Variants in MCTP2 observed in about 807,000 individuals in gnomAD.
MCTP2 encodes multiple C2 and transmembrane domain-containing protein 2.
A neutral mutation model predicts 111.6 loss-of-function variants in MCTP2; 132 were observed. The observed-to-expected ratio is 1.18, with a 90% CI of 1.03 to 1.37. The LOEUF (loss-of-function observed/expected upper bound fraction) is 1.37, where lower values mean the gene tolerates loss of function less well. Among genes scored for constraint, MCTP2 ranks in the 40% most tolerant of loss-of-function variants. MCTP2 has a pLI of 0.00. For synonymous variants in MCTP2, 395 were observed against 387.7 expected (o/e 1.02, Z -0.22); for missense variants, 1,183 against 1,067.9 (o/e 1.11, Z -1.50).
At chr15:94,302,260 G>A (rs2075651467) in intron 2 of MCTP2, among the ~76,000 whole-genome samples, 1 of 152,208 alleles carries the variant, frequency 6.6e-6, no homozygotes, top group Non-Finnish European at 1.5e-5. Context: ...TTGAGAATTA[G>A]TAAGACTCAG....
chr15:94,257,566 G>GTTTTTTT (rs1220635423), intron 1 of MCTP2, among the ~76,000 whole-genome samples: 7 of 73,004 alleles, frequency 9.6e-5, no homozygotes, highest in East Asian at 5.3e-4. Flanking sequence ...CATTTTCTTT[G>GTTTTTTT]TTGTTTTTTT....
intron 12 of MCTP2, among the ~76,000 whole-genome samples, chr15:94,371,709 G>A (rs1361133478): frequency 1.3e-5 from 2 of 151,838 alleles, no homozygotes; most frequent in East Asian, 1.9e-4. Flanking sequence ...TTTAACCCGC[G>A]ATGGAGTCCT....
At chr15:94,351,995 A>T (rs984737716) in intron 8 of MCTP2, among the ~76,000 whole-genome samples, 1 of 152,142 alleles carries the variant, frequency 6.6e-6, no homozygotes, top group Non-Finnish European at 1.5e-5. Context: ...ATCCTTCCTC[A>T]GTTTCCTCTG....
At chr15:94,332,651 G>A (rs2077181379) in intron 4 of MCTP2, among the ~76,000 whole-genome samples, 1 of 150,430 alleles carries the variant, frequency 6.6e-6, no homozygotes, top group Admixed American at 6.6e-5. Context: ...CCTTTCAGGA[G>A]CAAACAACTA....
intron 4 of MCTP2, among the ~76,000 whole-genome samples, chr15:94,322,578 G>T (rs1308504405): frequency 2.0e-5 from 3 of 152,076 alleles, no homozygotes; most frequent in Non-Finnish European, 2.9e-5. Context: ...TTAACTGATG[G>T]GCCAAAGTTT....
intron 17 of MCTP2, among the ~76,000 whole-genome samples, chr15:94,405,964 G>A (rs907720727): frequency 6.6e-6 from 1 of 152,134 alleles, no homozygotes; most frequent in African/African-American, 2.4e-5. Context: ...TGTTGACTTA[G>A]TGAATGAGGC....
intron 4 of MCTP2, 87 bp from the exon 5 acceptor site, chr15:94,339,203 G>A (rs1463196056): frequency 1.1e-6 from 1 of 940,538 alleles, no homozygotes; most frequent in African/African-American, 1.7e-5. Context: ...TTAGCCTGGG[G>A]AGTGGGGAAA....
At chr15:94,314,020 C>T (rs923762836) in intron 2 of MCTP2, among the ~76,000 whole-genome samples, 54 of 152,328 alleles carry the variant, frequency 3.5e-4, no homozygotes, top group Admixed American at 3.1e-3. Flanking sequence ...GCATGCTAAA[C>T]ATGTGGGTGA....
intron 4 of MCTP2, among the ~76,000 whole-genome samples, chr15:94,330,521 T>TC (rs568313164): frequency 1.1e-4 from 16 of 151,156 alleles, no homozygotes; most frequent in Middle Eastern, 3.4e-3. Flanking sequence ...TATTTTTTTT[T>TC]CTCCTCTAAA....
chr15:94,384,402 T>C (rs976892066), intron 13 of MCTP2, among the ~76,000 whole-genome samples: 1 of 152,194 alleles, frequency 6.6e-6, no homozygotes, highest in African/African-American at 2.4e-5. Context: ...ATTTCTAGGT[T>C]AATTCATTCG....
chr15:94,476,605 CAGATAGATAGAT>C (rs10574224), intron 21 of MCTP2, 79 bp from the exon 22 acceptor site: 6,448 of 636,564 alleles, frequency 0.01, 44 homozygotes, highest in Non-Finnish European at 0.012. Flanking sequence ...GATTGACTGA[CAGATAGATAGAT>C]AGATAGATAG....
At chr15:94,431,755 C>T (rs1189754060) in intron 17 of MCTP2, among the ~76,000 whole-genome samples, 1 of 151,974 alleles carries the variant, frequency 6.6e-6, no homozygotes, top group Non-Finnish European at 1.5e-5. Flanking sequence ...TATGTTTATT[C>T]TAAAATAATC....
rs1381895645 is a variant in MCTP2, at chr15:94,476,775, A to G, written c.2550A>G (p.Val850=). 6 of 1,600,326 alleles carry G rather than the reference A, an allele frequency of 3.7e-6. No individual in the cohort carries two copies. Among genetic ancestry groups the G allele is most frequent in the Non-Finnish European group, 5.1e-6 (6 of 1,167,790 alleles). Residue 850 remains valine (V), a synonymous_variant, in exon 22 of 23, where the codon GTA becomes GTG. Coordinates refer to ENST00000357742, the MANE Select transcript of MCTP2 (RefSeq NM_001385001.1). ...NNELLDFLSR[V]PSDVQKVQYA... ...AGCTACTAGACTTCCTCTCTAGGGT[A>G]CCGTCTGATGTTCAAAAGGTATGTA...
chr15:94,246,403 G>A (rs1285382784), intron 1 of MCTP2, among the ~76,000 whole-genome samples: 1 of 152,124 alleles, frequency 6.6e-6, no homozygotes, highest in Non-Finnish European at 1.5e-5. Context: ...GAGGATTATA[G>A]GATAGTATTT....
chr15:94,479,571 G>A lies in MCTP2; in HGVS notation c.*537G>A, dbSNP rs1022693372. The stretch of plus-strand genomic sequence containing the variant: ...GCATTTTTAATAATTACCAGAATTA[G>A]CTCAAACCTTTAGGGATCTTTCAGC... On this transcript the variant is annotated 3_prime_UTR_variant, in exon 23 of 23. Coordinates refer to ENST00000357742, the MANE Select transcript of MCTP2 (RefSeq NM_001385001.1). 2 of 153,278 alleles carry A rather than the reference G, an allele frequency of 1.3e-5. No individual in the cohort carries two copies. The highest frequency in any genetic ancestry group is 2.4e-5 in the African/African-American group (1 of 41,334). The allele number at this position is 153,278 out of a possible 1,614,324, so 9.5% of individuals were successfully genotyped here. A position where few individuals can be genotyped will look rare whatever the true frequency, so the allele number is the denominator to read the frequency against.
At chr15:94,477,157 G>A (rs1339295342) in intron 22 of MCTP2, among the ~76,000 whole-genome samples, 5 of 152,006 alleles carry the variant, frequency 3.3e-5, no homozygotes, top group Non-Finnish European at 7.4e-5. Flanking sequence ...TCTTCTTCCG[G>A]GTGGCAAGCA....
chr15:94,380,870 T>C (rs147485291), intron 12 of MCTP2, among the ~76,000 whole-genome samples: 230 of 147,514 alleles, frequency 1.6e-3, no homozygotes, highest in African/African-American at 5.2e-3. Flanking sequence ...TAAAACTGTT[T>C]AAGTGAACCC....
At chr15:94,436,468 T>TA (rs1408000352) in intron 17 of MCTP2, among the ~76,000 whole-genome samples, 2 of 152,194 alleles carry the variant, frequency 1.3e-5, no homozygotes, top group Non-Finnish European at 2.9e-5. Flanking sequence ...TGCATTGATT[T>TA]AAAAAATATA....
At chr15:94,382,267 A>AT (rs375916092) in intron 12 of MCTP2, among the ~76,000 whole-genome samples, 28 of 152,320 alleles carry the variant, frequency 1.8e-4, no homozygotes, top group African/African-American at 6.0e-4. Context: ...TTATAGTGAT[A>AT]TTTTTTAGCC....
Sources: allele counts gnomAD v4.1 joint callset (sites outside exome capture counted in the v4.1 genomes callset), GRCh38; gene constraint gnomAD v4.1.1; transcripts MANE v1.5; gene names NCBI Gene and HGNC (gene_info 2026-07-23, HGNC 2026-07-21).